The following WDPCP variants were observed in gnomAD, a reference collection of about 807,000 sequenced individuals.
The protein encoded by WDPCP is WD repeat-containing and planar cell polarity effector protein fritz homolog.
Under a neutral mutation model 93.1 loss-of-function variants are expected in WDPCP, and 71 were observed. That is an observed-to-expected ratio of 0.76 (90% CI 0.63 to 0.93). The LOEUF (loss-of-function observed/expected upper bound fraction) is 0.93. Among genes scored for constraint, WDPCP ranks in the 40% least tolerant of loss-of-function variants. WDPCP has a pLI of 0.00. For synonymous variants in WDPCP, 315 were observed against 315.0 expected (o/e 1.00, Z 0.00); for missense variants, 844 against 887.4 (o/e 0.95, Z 0.62).
the WDPCP span, among the ~76,000 whole-genome samples, chr2:63,840,473 G>T: frequency 1.2e-4 from 19 of 152,194 alleles, no homozygotes; most frequent in African/African-American, 4.3e-4. Context: ...TCCGGTGAGG[G>T]AGCCTTCACT....
intron 12 of WDPCP, among the ~76,000 whole-genome samples, chr2:63,325,433 G>C (rs1347998855): frequency 4.6e-5 from 7 of 152,160 alleles, no homozygotes; most frequent in Non-Finnish European, 1.0e-4. Context: ...AGGGTGCCTC[G>C]GGAAAGCGCC....
At chr2:63,699,755 C>T (rs1669017137) in intron 2 of WDPCP, among the ~76,000 whole-genome samples, 1 of 152,164 alleles carries the variant, frequency 6.6e-6, no homozygotes, top group African/African-American at 2.4e-5. Flanking sequence ...TCTAAGACAC[C>T]ATGATTGCCA....
chr2:63,295,494 T>C (rs1028895219), intron 13 of WDPCP, among the ~76,000 whole-genome samples: 4 of 151,854 alleles, frequency 2.6e-5, no homozygotes, highest in African/African-American at 9.7e-5. Context: ...GTAATACTAA[T>C]ATTCAGAAAA....
At chr2:63,670,654 G>C (rs1478467803) in intron 2 of WDPCP, among the ~76,000 whole-genome samples, 1 of 152,142 alleles carries the variant, frequency 6.6e-6, no homozygotes. Context: ...GAGAAAATGA[G>C]ATGGAGGAAA....
chr2:63,147,651 T>G (rs1488051937), intron 17 of WDPCP, among the ~76,000 whole-genome samples: 1 of 152,206 alleles, frequency 6.6e-6, no homozygotes, highest in African/African-American at 2.4e-5. Flanking sequence ...GCAAAATGGA[T>G]ACAGATACTG....
chr2:63,211,179 C>T (rs546742451), intron 14 of WDPCP, among the ~76,000 whole-genome samples: 24 of 152,298 alleles, frequency 1.6e-4, no homozygotes, highest in Admixed American at 1.6e-3. Context: ...CCCTGACCCC[C>T]GAGTAGCCTA....
At chr2:63,540,742 GT>G (rs746920733) in intron 1 of WDPCP, among the ~76,000 whole-genome samples, 7 of 152,020 alleles carry the variant, frequency 4.6e-5, no homozygotes, top group Admixed American at 3.3e-4. Context: ...TGATATAGTG[GT>G]TTTTTTGTTT....
At chr2:63,829,028 TATG>T (rs1212907104), upstream of WDPCP, among the ~76,000 whole-genome samples, 1 of 152,140 alleles carries the variant, frequency 6.6e-6, no homozygotes, top group African/African-American at 2.4e-5. Context: ...TTAAAATTAT[TATG>T]ATAAAAGTAA....
At chr2:63,295,437 GA>G (rs145711717) in intron 13 of WDPCP, among the ~76,000 whole-genome samples, 2,548 of 151,610 alleles carry the variant, frequency 0.017, 80 homozygotes, top group African/African-American at 0.059. Flanking sequence ...ATGAAAAGAT[GA>G]AAAAAAAGAT....
At chr2:63,144,144 CT>C (rs997174952) in intron 17 of WDPCP, among the ~76,000 whole-genome samples, 2 of 152,082 alleles carry the variant, frequency 1.3e-5, no homozygotes, top group African/African-American at 4.8e-5. Context: ...TTTTCTTCTT[CT>C]TTTTTCTTTG....
rs545442468 is a variant in WDPCP at position 63,586,946 on chromosome 2, G to A, written c.75+1251C>T. The stretch of plus-strand genomic sequence containing the variant: ...ACGTGCAAGTTTGTTACATATGTAC[G>A]TATACATGCCATGTTGGTGTACTGC... On this transcript the variant is annotated intron_variant, in intron 1 of 17. Coordinates refer to ENST00000272321, the MANE Select transcript of WDPCP (RefSeq NM_015910.7). Among the ~76,000 whole-genome samples the A allele has an allele frequency of 8.1e-4, 124 of 152,268 alleles. 3 individuals are homozygous for A. In the South Asian group the frequency reaches 0.025, roughly 31 times the overall value.
intron 14 of WDPCP, among the ~76,000 whole-genome samples, chr2:63,257,846 C>A (rs1574996999): frequency 6.6e-6 from 1 of 152,066 alleles, no homozygotes. Flanking sequence ...GCAAAGATGG[C>A]CCTCATTATA....
At chr2:63,824,275 C>T (rs1376782163) in intron 1 of WDPCP, among the ~76,000 whole-genome samples, 1 of 151,984 alleles carries the variant, frequency 6.6e-6, no homozygotes, top group Non-Finnish European at 1.5e-5. Flanking sequence ...CCTGAGGACT[C>T]CCCAGCCACG....
intron 12 of WDPCP, among the ~76,000 whole-genome samples, chr2:63,348,653 C>T (rs867079990): frequency 6.6e-6 from 1 of 151,926 alleles, no homozygotes; most frequent in Non-Finnish European, 1.5e-5. Context: ...AAAATGACTA[C>T]GGATATTATA....
At chr2:63,158,162 C>T (rs564538774) in intron 15 of WDPCP, among the ~76,000 whole-genome samples, 1 of 152,032 alleles carries the variant, frequency 6.6e-6, no homozygotes, top group Admixed American at 6.5e-5. Flanking sequence ...CTAATCTATT[C>T]CCATTATGGT....
chr2:63,768,031 C>CA (rs1670171938), intron 2 of WDPCP, among the ~76,000 whole-genome samples: 1 of 151,878 alleles, frequency 6.6e-6, no homozygotes, highest in Non-Finnish European at 1.5e-5. Context: ...TTAAAAACAA[C>CA]AAAAAATAAG....
intron 2 of WDPCP, chr2:63,752,314 A>G: frequency 2.4e-6 from 2 of 822,022 alleles, no homozygotes; most frequent in South Asian, 2.6e-5. Flanking sequence ...TGCCAGCAAC[A>G]AATACCTTTT....
chr2:63,719,528 T>C (rs918713240), intron 2 of WDPCP, among the ~76,000 whole-genome samples: 5 of 152,126 alleles, frequency 3.3e-5, no homozygotes, highest in Non-Finnish European at 7.4e-5. Flanking sequence ...AATTTTAACA[T>C]CACTTTGTCA....
At chr2:63,549,142 A>T (rs1246699982) in intron 1 of WDPCP, among the ~76,000 whole-genome samples, 1 of 150,588 alleles carries the variant, frequency 6.6e-6, no homozygotes, top group Non-Finnish European at 1.5e-5. Flanking sequence ...CCAGCTACTC[A>T]GGAGGCTGAG....
Sources: allele counts gnomAD v4.1 joint callset (sites outside exome capture counted in the v4.1 genomes callset), GRCh38; gene constraint gnomAD v4.1.1; transcripts MANE v1.5; gene names NCBI Gene and HGNC (gene_info 2026-07-23, HGNC 2026-07-21).